SH3BP4: variants seen among roughly 807,000 people sequenced by gnomAD.
The protein encoded by SH3BP4 is SH3 domain-binding protein 4.
Under a neutral mutation model 65.5 loss-of-function variants are expected in SH3BP4, and 33 were observed. The ratio of observed to expected loss-of-function variants is 0.50; its 90% CI spans 0.38 to 0.67. The LOEUF (loss-of-function observed/expected upper bound fraction) is 0.67. SH3BP4 is among the 30% of genes least tolerant of loss of function. The pLI is 0.00. For missense variants in SH3BP4, 1,134 were observed against 1,261.4 expected, an observed-to-expected ratio of 0.90 and a Z score of 1.53; for synonymous variants, 552 against 545.5, an observed-to-expected ratio of 1.01 and a Z score of -0.17.
Position 235,026,844 on chromosome 2 carries a change from C to A in SH3BP4, c.-132-8027C>A, listed in dbSNP as rs1216873073. ...ACTGTGAGTGAGTCTGATCGGCTGG[C>A]GTGCCTGTCGGTGGCTGCCCATGCC... is the stretch of plus-strand genomic sequence containing the variant. On this transcript the variant is annotated intron_variant, in intron 2 of 5. Transcript: ENST00000392011. This position sits in a 1 kb window ranked among gnomAD's most constrained non-coding sequence, Gnocchi z 4.6. Among the ~76,000 whole-genome samples, 1 of 151,114 alleles carries A rather than the reference C, an allele frequency of 6.6e-6. No homozygotes were observed.
At chr2:234,983,794 A>G (rs2106259835) in intron 1 of SH3BP4, among the ~76,000 whole-genome samples, 1 of 152,332 alleles carries the variant, frequency 6.6e-6, no homozygotes, top group South Asian at 2.1e-4. Context: ...GCCCTGAGCC[A>G]GGAATCCAGG....
In SH3BP4 at chr2:235,053,711, C is replaced by T. The variant is rs1574855724; in HGVS notation, c.2787C>T (p.Thr929=). The T allele has an allele frequency of 5.6e-6, 9 of 1,614,186 alleles. No individual in the cohort carries two copies. In the East Asian group the frequency reaches 1.8e-4, roughly 32 times the overall value. Residue 929 remains threonine (T), a synonymous_variant, in exon 6 of 6, where the codon ACC becomes ACT. Coordinates refer to ENST00000392011, the MANE Select transcript of SH3BP4 (RefSeq NM_014521.3). ...LGLDKMKNPI[T]KRWKHLTGTL... Reference sequence around the variant, plus strand: ...TGGACAAGATGAAAAACCCCATCACCAAGCGCTGGAAGCACCTCACTGGGA... The same window carrying T: ...TGGACAAGATGAAAAACCCCATCACTAAGCGCTGGAAGCACCTCACTGGGA...
At chr2:235,027,936 T>C (rs974587980) in intron 2 of SH3BP4, among the ~76,000 whole-genome samples, 2 of 152,192 alleles carry the variant, frequency 1.3e-5, no homozygotes, top group Admixed American at 1.3e-4. Context: ...GAATATTCTG[T>C]GATCTGGAGT....
chr2:235,003,434 C>T (rs1055407404), intron 2 of SH3BP4, among the ~76,000 whole-genome samples: 1 of 152,306 alleles, frequency 6.6e-6, no homozygotes, highest in Non-Finnish European at 1.5e-5. Context: ...CTGTACAGGT[C>T]GGGGCATGAG....
At chr2:235,040,255 G>A (rs879519414) in intron 3 of SH3BP4, among the ~76,000 whole-genome samples, 23 of 145,312 alleles carry the variant, frequency 1.6e-4, no homozygotes, top group African/African-American at 5.0e-4. Flanking sequence ...AAATAAATAA[G>A]TAAAATAAGA....
rs187818995 is a variant in SH3BP4, at chr2:234,989,666, G to A, written c.-206-5637G>A. 4.6e-5 allele frequency among the ~76,000 whole-genome samples: 7 copies of A among 152,330 alleles called. No homozygotes were observed. In the East Asian group the frequency reaches 1.2e-3, roughly 25 times the overall value. ...TGCACAGAAGAGCTATTGATAAACT[G>A]GTGGGGCTGGGCTCTGTGCAACTTA... On this transcript the variant is annotated intron_variant, in intron 1 of 5. Coordinates refer to ENST00000392011, the MANE Select transcript of SH3BP4 (RefSeq NM_014521.3).
rs2106251707 is a variant in SH3BP4 at position 234,976,731 on chromosome 2, AC to A, written c.-206-18569del. On this transcript the variant is annotated intron_variant, in intron 1 of 5. Coordinates refer to ENST00000392011, the MANE Select transcript of SH3BP4 (RefSeq NM_014521.3). This position sits in a 1 kb window ranked among gnomAD's most constrained non-coding sequence, Gnocchi z 4.7. ...CTGGTCTTCCTCTCAGTAACACACA[AC>A]CCAGTCTAACTGGGAGAAAAACCCC... Among the ~76,000 whole-genome samples, 1 of 140,744 alleles carries A rather than the reference AC, an allele frequency of 7.1e-6. No homozygotes were observed. The highest frequency in any genetic ancestry group is 2.4e-4 in the South Asian group (1 of 4,112). 92.3% of individuals were successfully genotyped at this position (140,744 alleles called of 152,430 possible).
chr2:235,012,140 C>T (rs1574818994), intron 2 of SH3BP4, among the ~76,000 whole-genome samples: 5 of 152,220 alleles, frequency 3.3e-5, no homozygotes, highest in Non-Finnish European at 5.9e-5. Context: ...ATGAATGTTA[C>T]GGGGCGCTGA....
chr2:234,988,692 G>A (rs1267363848), intron 1 of SH3BP4, among the ~76,000 whole-genome samples: 1 of 152,140 alleles, frequency 6.6e-6, no homozygotes, highest in African/African-American at 2.4e-5. Context: ...GTGCTGCGCG[G>A]GTGCCAGGAG....
intron 1 of SH3BP4, among the ~76,000 whole-genome samples, chr2:234,985,073 C>CT (rs1437443527): frequency 2.0e-5 from 3 of 152,314 alleles, no homozygotes; most frequent in African/African-American, 7.2e-5. Context: ...ATCCTCCATC[C>CT]TGCAGGCTGA....
Position 235,028,848 on chromosome 2 carries a change from C to G in SH3BP4, c.-132-6023C>G, listed in dbSNP as rs557630859. On this transcript the variant is annotated intron_variant, in intron 2 of 5. Coordinates refer to ENST00000392011, the MANE Select transcript of SH3BP4 (RefSeq NM_014521.3). ...GAGAGCACTGCATGTGCAAAGGCCCCGTGGTGGGAGGGGCTTGGTACCTGG... is the reference window on the plus strand; with the variant it reads ...GAGAGCACTGCATGTGCAAAGGCCCGGTGGTGGGAGGGGCTTGGTACCTGG... Among the ~76,000 whole-genome samples, 4 of 152,188 alleles carry G rather than the reference C, an allele frequency of 2.6e-5. No homozygotes were observed. The East Asian group carries it at 7.8e-4, about 30-fold the overall frequency.
Position 235,052,758 on chromosome 2 carries a change from G to C in SH3BP4, c.2667+8G>C, listed in dbSNP as rs1351202424. ...GGGGTTGTGGACAGCGAGGTGAGCA[G>C]CGGCTGAGCTTCGAGCTCACCGAGC... On this transcript the variant is annotated splice_region_variant and intron_variant, in intron 5 of 5. Coordinates refer to ENST00000392011, the MANE Select transcript of SH3BP4 (RefSeq NM_014521.3). This position sits in a 1 kb window ranked among gnomAD's most constrained non-coding sequence, Gnocchi z 5.0. The C allele has an allele frequency of 5.7e-6, 9 of 1,572,612 alleles. No homozygotes were observed. Among genetic ancestry groups the C allele is most frequent in the Non-Finnish European group, 6.0e-6 (7 of 1,162,596 alleles).
chr2:235,051,237 G>C (rs1696042308), intron 4 of SH3BP4, among the ~76,000 whole-genome samples: 1 of 152,020 alleles, frequency 6.6e-6, no homozygotes, highest in Non-Finnish European at 1.5e-5. Context: ...AGAGTCGCTT[G>C]CATGACACCC....
chr2:235,044,860 T>C (rs1695793179), intron 4 of SH3BP4, among the ~76,000 whole-genome samples: 1 of 152,078 alleles, frequency 6.6e-6, no homozygotes, highest in African/African-American at 2.4e-5. Context: ...TCGTGTGCAG[T>C]GCCAGAAGCA....
rs193286243 is a variant in SH3BP4 at position 235,045,274 on chromosome 2, C to T, written c.2478+2027C>T. On this transcript the variant is annotated intron_variant, in intron 4 of 5. Transcript: ENST00000392011. The surrounding 1 kb of genome is among the most constrained non-coding windows in gnomAD (Gnocchi z 4.3). ...GCTGAGCCCAGGACACTCACCTCGA[C>T]GTTGCACCAGAGGTGGAAAAATGAC... is the stretch of plus-strand genomic sequence containing the variant. 4.6e-5 allele frequency among the ~76,000 whole-genome samples: 7 copies of T among 152,298 alleles called. No individual in the cohort carries two copies. In the East Asian group the frequency reaches 1.4e-3, roughly 29 times the overall value.
At position 235,042,663 on chromosome 2, in the gene SH3BP4, G is replaced by A. The variant is rs200719751; in HGVS notation, c.1894G>A (p.Gly632Arg). 81 of 1,614,180 alleles carry A rather than the reference G, an allele frequency of 5.0e-5. No homozygotes were observed. The highest frequency in any genetic ancestry group is 6.3e-5 in the Non-Finnish European group (74 of 1,180,046). The part of the protein sequence containing the change: ...QRRFLKKNEV[G>R]KIILSPFATT... ...GAGGTTTCTCAAGAAGAACGAAGTC[G>A]GGAAAATCATCCTGTCCCCGTTTGC... Residue 632 changes from glycine (G) to arginine (R), a missense_variant, in exon 4 of 6, where the codon GGG becomes AGG. By Grantham distance (125) the Gly-to-Arg change is moderately radical. Transcript: ENST00000392011. The surrounding 1 kb of genome is among the most constrained non-coding windows in gnomAD (Gnocchi z 7.3).
At chr2:235,048,377 C>T (rs980808672) in intron 4 of SH3BP4, among the ~76,000 whole-genome samples, 9 of 152,138 alleles carry the variant, frequency 5.9e-5, no homozygotes, top group African/African-American at 1.4e-4. Context: ...GTCTCCTAGG[C>T]GGGAGTGCAG....
At chr2:234,993,295 A>G (rs768544833) in intron 1 of SH3BP4, among the ~76,000 whole-genome samples, 1 of 152,206 alleles carries the variant, frequency 6.6e-6, no homozygotes, top group African/African-American at 2.4e-5. Flanking sequence ...CTGGCCCAGT[A>G]GTAACTGCAG....
chr2:234,953,466 G>C (rs13033714), intron 1 of SH3BP4, among the ~76,000 whole-genome samples: 5 of 152,078 alleles, frequency 3.3e-5, no homozygotes, highest in South Asian at 4.2e-4. Context: ...TGCTGGCCAC[G>C]AGTCCCCTTC....
Sources: gnomAD v4.1 joint callset for allele counts (sites outside exome capture counted in the v4.1 genomes callset) on GRCh38, gnomAD v4.1.1 for gene constraint, Gnocchi (gnomAD v3.1) non-coding constraint, MANE v1.5 for transcripts, NCBI Gene and HGNC (gene_info 2026-07-23, HGNC 2026-07-21) for gene names.